Variants in PPP6R2 observed in about 807,000 individuals in gnomAD.
PPP6R2 encodes serine/threonine-protein phosphatase 6 regulatory subunit 2.
A neutral mutation model predicts 100.2 loss-of-function variants in PPP6R2; 62 were observed. The ratio of observed to expected loss-of-function variants is 0.62; its 90% CI spans 0.50 to 0.76. The LOEUF is 0.76. Ranked by LOEUF, PPP6R2 falls within the 30% of genes least tolerant of loss-of-function variation. The pLI is 0.00. For synonymous variants in PPP6R2, 525 were observed against 514.7 expected, an observed-to-expected ratio of 1.02 and a Z score of -0.27; for missense variants, 1,142 against 1,276.3, an observed-to-expected ratio of 0.89 and a Z score of 1.60.
rs562674840 is a variant in PPP6R2, at chr22:50,396,620, C to T, written c.227+2485C>T. On this transcript the variant is annotated intron_variant, in intron 3 of 23. Transcript: ENST00000612753. Reference sequence around the variant, plus strand: ...AGCCACACTCATCCACGTCTCATAGCGTTGAGCAGCTCCAGCAGGGGCCAC... The same window carrying T: ...AGCCACACTCATCCACGTCTCATAGTGTTGAGCAGCTCCAGCAGGGGCCAC... Among the ~76,000 whole-genome samples, 15 of 152,284 alleles carry T rather than the reference C, an allele frequency of 9.9e-5. No individual in the cohort carries two copies. The East Asian group carries it at 1.2e-3, about 12-fold the overall frequency.
chr22:50,378,321 G>T (rs974307865), intron 2 of PPP6R2, among the ~76,000 whole-genome samples: 7 of 152,060 alleles, frequency 4.6e-5, no homozygotes, highest in African/African-American at 9.7e-5. Context: ...GGTGCGGTGG[G>T]TCACCCTGTA....
intron 10 of PPP6R2, among the ~76,000 whole-genome samples, chr22:50,427,862 A>C (rs565538532): frequency 1.3e-5 from 2 of 152,196 alleles, no homozygotes; most frequent in African/African-American, 2.4e-5. Context: ...CTGGGACTAC[A>C]GGTGCCTGCT....
intron 3 of PPP6R2, among the ~76,000 whole-genome samples, chr22:50,406,336 G>A (rs2058955272): frequency 1.3e-5 from 2 of 150,542 alleles, no homozygotes; most frequent in Admixed American, 6.6e-5. Flanking sequence ...CCTGGCAGGC[G>A]AGTGTGAAGG....
chr22:50,338,562 TGTGTGTGTTTGGTGTG>T (rs1180834142), upstream of PPP6R2, among the ~76,000 whole-genome samples: 2 of 96,834 alleles, frequency 2.1e-5, no homozygotes, highest in African/African-American at 1.2e-4. Flanking sequence ...TGGTATGTAG[TGTGTGTGTTTGGTGTG>T]GTGTGTGTTT....
rs1024973919 is a variant in PPP6R2 at position 50,430,263 on chromosome 22, G to T, written c.1126-910G>T. Among the ~76,000 whole-genome samples the T allele has an allele frequency of 4.6e-5, 7 of 152,378 alleles. No homozygotes were observed. The South Asian group carries it at 1.2e-3, about 27-fold the overall frequency. On this transcript the variant is annotated intron_variant, in intron 10 of 23. Transcript: ENST00000612753. Reference sequence around the variant, plus strand: ...CCACCTCTGGGCTTCAGCCCATGCTGGTTAAGTCTGGGCTCCCTTGGGGAG... The same window carrying T: ...CCACCTCTGGGCTTCAGCCCATGCTTGTTAAGTCTGGGCTCCCTTGGGGAG...
At position 50,421,686 on chromosome 22, in the gene PPP6R2, G is replaced by A. The variant is rs182380947; in HGVS notation, c.846-568G>A. The stretch of plus-strand genomic sequence containing the variant: ...AGCACTTTGGGAGGCCAAGGCGGGT[G>A]GATCACCTGAGGTCAGGTGATCGAG... On this transcript the variant is annotated intron_variant, in intron 8 of 23. Coordinates refer to ENST00000612753, the MANE Select transcript of PPP6R2 (RefSeq NM_001242898.2). 1.4e-3 allele frequency among the ~76,000 whole-genome samples: 212 copies of A among 152,110 alleles called. 1 individual carries two copies. The highest frequency in any genetic ancestry group is 4.9e-3 in the African/African-American group (205 of 41,510).
In PPP6R2 at chr22:50,438,722, C is replaced by T. The variant is rs371063263; in HGVS notation, c.2088C>T (p.Pro696=). The T allele has an allele frequency of 6.0e-5, 97 of 1,611,690 alleles. No individual in the cohort carries two copies. The highest frequency in any genetic ancestry group is 7.0e-5 in the Non-Finnish European group (83 of 1,179,100). Reference sequence around the variant, plus strand: ...CTGGGGCAGGTGCCCCACCGGCCCCCGGGAAGAAGGAAGCGCCCCCTGTGG... The same window carrying T: ...CTGGGGCAGGTGCCCCACCGGCCCCTGGGAAGAAGGAAGCGCCCCCTGTGG... ...DAPGAGAPPA[P]GKKEAPPVEG... is the part of the protein sequence containing the mutation. Residue 696 remains proline (P), a synonymous_variant, in exon 19 of 24, where the codon CCC becomes CCT. Transcript: ENST00000612753.
intron 3 of PPP6R2, among the ~76,000 whole-genome samples, chr22:50,404,614 T>TA (rs2058559458): frequency 6.7e-6 from 1 of 150,250 alleles, no homozygotes; most frequent in African/African-American, 2.4e-5. Context: ...TTTTTTTTTT[T>TA]TTTGGAGAGA....
chr22:50,434,065 T>C (rs1190397461), intron 12 of PPP6R2, among the ~76,000 whole-genome samples: 4 of 51,640 alleles, frequency 7.7e-5, no homozygotes, highest in African/African-American at 2.5e-4. Context: ...GGGCCGGGCA[T>C]TTGCCCTGGA....
At chr22:50,373,284 C>G (rs1423789491) in intron 2 of PPP6R2, among the ~76,000 whole-genome samples, 1 of 149,250 alleles carries the variant, frequency 6.7e-6, no homozygotes, top group African/African-American at 2.5e-5. Context: ...CTCAGTCGCC[C>G]AGGCTGGAGT....
At chr22:50,438,153 C>A (rs767555232) in intron 17 of PPP6R2, 21 bp from the exon 18 acceptor site, 1 of 1,602,418 alleles carries the variant, frequency 6.2e-7, no homozygotes, top group East Asian at 2.2e-5. Flanking sequence ...TGGAAACTCA[C>A]CTTGGCGTTT....
intron 2 of PPP6R2, among the ~76,000 whole-genome samples, chr22:50,387,884 G>A (rs1033153851): frequency 2.0e-5 from 3 of 152,174 alleles, no homozygotes; most frequent in African/African-American, 7.2e-5. Context: ...GAATAACTTA[G>A]TAATCCTCCC....
At chr22:50,438,911 T>C in intron 19 of PPP6R2, 149 bp downstream of exon 19, 1 of 890,612 alleles carries the variant, frequency 1.1e-6, no homozygotes. Flanking sequence ...TTCCCAGCCG[T>C]CCTGAGTAGG....
chr22:50,402,756 T>TTG (rs1374266721), intron 3 of PPP6R2, among the ~76,000 whole-genome samples: 2 of 152,224 alleles, frequency 1.3e-5, no homozygotes, highest in Non-Finnish European at 2.9e-5. Context: ...TTTCTATACC[T>TTG]TGTATACATT....
At chr22:50,430,300 GC>G (rs1346344727) in intron 10 of PPP6R2, among the ~76,000 whole-genome samples, 1 of 152,220 alleles carries the variant, frequency 6.6e-6, no homozygotes, top group Non-Finnish European at 1.5e-5. Flanking sequence ...GTCTGAATGT[GC>G]CCCTCACAGT....
chr22:50,380,958 C>A (rs2148665261), intron 2 of PPP6R2, among the ~76,000 whole-genome samples: 1 of 144,242 alleles, frequency 6.9e-6, no homozygotes, highest in South Asian at 2.2e-4. Context: ...CACTGCACTC[C>A]AGCCTGGGCG....
At chr22:50,358,119 A>G (rs898268931) in intron 1 of PPP6R2, among the ~76,000 whole-genome samples, 3 of 151,650 alleles carry the variant, frequency 2.0e-5, no homozygotes, top group Non-Finnish European at 4.4e-5. Flanking sequence ...GATAATTTAA[A>G]AAAAAAAAAA....
rs1191219966 is a variant in PPP6R2 at position 50,441,142 on chromosome 22, A to G, written c.2579+116A>G. ...GTGAGGCCAGGCCAGGGTCTTCTCC[A>G]CACTGCCTCCCCCATGGCCCCGTGA... On this transcript the variant is annotated intron_variant, in intron 22 of 23. Transcript: ENST00000612753. The G allele has an allele frequency of 8.6e-6, 8 of 932,624 alleles. No individual in the cohort carries two copies. The Admixed American group carries it at 2.3e-4, about 27-fold the overall frequency. 57.8% of individuals were successfully genotyped at this position (932,624 alleles called of 1,614,324 possible). A position where few individuals can be genotyped will look rare whatever the true frequency, so the allele number is the denominator to read the frequency against.
At chr22:50,340,667 A>G (rs2042362770), upstream of PPP6R2, among the ~76,000 whole-genome samples, 1 of 151,636 alleles carries the variant, frequency 6.6e-6, no homozygotes, top group African/African-American at 2.4e-5. Flanking sequence ...AGGGAAGGGC[A>G]CAGTGCAGTC....
Sources: allele counts gnomAD v4.1 joint callset (sites outside exome capture counted in the v4.1 genomes callset), GRCh38; gene constraint gnomAD v4.1.1; transcripts MANE v1.5; gene names NCBI Gene and HGNC (gene_info 2026-07-23, HGNC 2026-07-21).